Variants in RAD17 observed in about 807,000 individuals in gnomAD.
RAD17 encodes the protein RAD17 checkpoint clamp loader component, also known as cell cycle checkpoint protein RAD17.
In RAD17, 31 loss-of-function variants were observed where a neutral mutation model predicts 81.5. That is an observed-to-expected ratio of 0.38 (90% confidence interval 0.29 to 0.51). The LOEUF is 0.51. Ranked by LOEUF, RAD17 falls within the 20% of genes least tolerant of loss-of-function variation. RAD17 has a pLI of 0.88. For synonymous variants in RAD17, 261 were observed against 266.2 expected (o/e 0.98, Z 0.19); for missense variants, 681 against 781.2 (o/e 0.87, Z 1.53).
intron 11 of RAD17, 135 bp downstream of exon 11, chr5:69,386,600 T>C (rs1764229454): frequency 2.8e-6 from 3 of 1,088,152 alleles, no homozygotes; most frequent in Admixed American, 4.1e-5. Flanking sequence ...GGCATGTCAT[T>C]TTAGCAAATG....
At chr5:69,379,692 CA>C (rs1308657750) in intron 6 of RAD17, among the ~76,000 whole-genome samples, 1 of 151,616 alleles carries the variant, frequency 6.6e-6, no homozygotes, top group East Asian at 1.9e-4. Flanking sequence ...AATGAAGACA[CA>C]AACACACCAA....
intron 17 of RAD17, among the ~76,000 whole-genome samples, chr5:69,409,866 CT>C (rs776737927): frequency 6.6e-6 from 1 of 152,154 alleles, no homozygotes; most frequent in Non-Finnish European, 1.5e-5. Context: ...CACCATTCTA[CT>C]TTCTGTCTCT....
At chr5:69,396,591 T>G (rs1312583994) in intron 16 of RAD17, 45 bp downstream of exon 16, 1 of 1,450,570 alleles carries the variant, frequency 6.9e-7, no homozygotes, top group Non-Finnish European at 9.1e-7. Context: ...ATGTGAACTT[T>G]ATGGTACGTG....
chr5:69,396,679 A>G (rs1764915001), intron 16 of RAD17, 133 bp downstream of exon 16: 1 of 1,031,726 alleles, frequency 9.7e-7, no homozygotes, highest in South Asian at 2.8e-5. Context: ...AATAGTTGCT[A>G]AGGTCCACAA....
At chr5:69,411,465 G>C (rs1765995699) in intron 18 of RAD17, among the ~76,000 whole-genome samples, 2 of 152,284 alleles carry the variant, frequency 1.3e-5, no homozygotes, top group South Asian at 4.1e-4. Context: ...AAAAGTAAGT[G>C]ATAGAAATGG....
chr5:69,373,523 CA>C (rs1763134135), intron 4 of RAD17, among the ~76,000 whole-genome samples: 1 of 151,758 alleles, frequency 6.6e-6, no homozygotes, highest in Non-Finnish European at 1.5e-5. Context: ...GGCAACATGG[CA>C]AAAACCCATC....
In RAD17 at chr5:69,374,107, CAT is replaced by C; in HGVS notation, c.267+23_267+24del. 1 of 1,577,170 alleles carries C rather than the reference CAT, an allele frequency of 6.3e-7. No homozygotes were observed. Among genetic ancestry groups the C allele is most frequent in the Non-Finnish European group, 8.6e-7 (1 of 1,161,438 alleles). ...ACTCAGGTACTGAAAAGCATGCAGA[CAT>C]ATCTACATAATTTAATTTCAGGGTG... On this transcript the variant is annotated intron_variant, in intron 5 of 18. Transcript: ENST00000354868.
rs1386315202 is a variant in RAD17, at chr5:69,414,113, C to T, written c.1834C>T (p.His612Tyr). 3 of 1,614,220 alleles carry T rather than the reference C, an allele frequency of 1.9e-6. No individual in the cohort carries two copies. Among genetic ancestry groups the T allele is most frequent in the Non-Finnish European group, 2.5e-6 (3 of 1,180,042 alleles). ...AGATGAAGCCCAGCTTAATGGAGGA[C>T]ATTCTGCAGAGGAATCTCTGGGTGA... ...SGDEAQLNGGHSAEESLGEPT... is the reference protein window; with the variant it reads ...SGDEAQLNGGYSAEESLGEPT... The change falls in exon 19 of 19, where the codon CAT becomes TAT. Residue 612 changes from histidine to tyrosine, a missense_variant. His to Tyr is a moderately conservative substitution (Grantham distance 83). Coordinates refer to ENST00000354868, the MANE Select transcript of RAD17 (RefSeq NM_133338.3).
At chr5:69,407,616 GTCCAGGCTGGA>G (rs1367937590) in intron 17 of RAD17, among the ~76,000 whole-genome samples, 3 of 106,014 alleles carry the variant, frequency 2.8e-5, no homozygotes, top group African/African-American at 1.1e-4. Context: ...GCCCTCTGTT[GTCCAGGCTGGA>G]GTGCGGTAGC....
At position 69,371,550 on chromosome 5, in the gene RAD17, C is replaced by CT. The variant is rs370962285; in HGVS notation, c.-183_-182insT. On this transcript the variant is annotated 5_prime_UTR_variant, in exon 3 of 19. It introduces an in-frame stop codon into an upstream open reading frame of the 5' UTR. Transcript: ENST00000354868. ...ACTTTTCTTAGACCAAAGGTATCTT[C>CT]CACAAAGGTATGATACACTGGAATG... 38 of 1,453,874 alleles carry CT rather than the reference C, an allele frequency of 2.6e-5. No homozygotes were observed. In the African/African-American group the frequency reaches 5.3e-4, roughly 20 times the overall value. The allele number at this position is 1,453,874 out of a possible 1,614,324, so 90.1% of individuals were successfully genotyped here. A position where few individuals can be genotyped will look rare whatever the true frequency, so the allele number is the denominator to read the frequency against.
intron 1 of RAD17, 36 bp downstream of exon 1, chr5:69,369,969 T>C (rs1762828158): frequency 2.0e-6 from 1 of 511,032 alleles, no homozygotes; most frequent in Non-Finnish European, 3.4e-6. Context: ...ATTATGTATA[T>C]GTCTTAGAGA....
rs549295661 is a variant in RAD17, at chr5:69,403,745, C to A, written c.1693+3576C>A. On this transcript the variant is annotated intron_variant, in intron 17 of 18. Transcript: ENST00000354868. ...GACCAGCCTAGGCAACACGGTGATA[C>A]CTTGTCTCTACAAAAAAATTTAAAA... is the stretch of plus-strand genomic sequence containing the variant. 1.2e-3 allele frequency among the ~76,000 whole-genome samples: 179 copies of A among 152,178 alleles called. 1 individual carries two copies. The highest frequency in any genetic ancestry group is 4.0e-3 in the African/African-American group (166 of 41,536).
chr5:69,394,713 G>A (rs1242325440), intron 15 of RAD17, among the ~76,000 whole-genome samples: 1 of 152,138 alleles, frequency 6.6e-6, no homozygotes, highest in African/African-American at 2.4e-5. Flanking sequence ...ATCATTGCAG[G>A]GCGTTCTGTT....
chr5:69,378,141 C>T (rs899488837), intron 6 of RAD17, among the ~76,000 whole-genome samples: 7 of 152,014 alleles, frequency 4.6e-5, no homozygotes, highest in Non-Finnish European at 1.0e-4. Context: ...TCAGGGATGT[C>T]AGTAATTAGA....
chr5:69,397,654 T>G (rs1764981237), intron 16 of RAD17, among the ~76,000 whole-genome samples: 2 of 152,170 alleles, frequency 1.3e-5, no homozygotes, highest in Admixed American at 1.3e-4. Flanking sequence ...CTGAGAATGC[T>G]GATTGGAAAA....
intron 16 of RAD17, among the ~76,000 whole-genome samples, chr5:69,398,868 T>TA (rs72281552): frequency 0.15 from 16,059 of 109,808 alleles, 2,461 homozygotes; most frequent in African/African-American, 0.38. Context: ...ATCTCCTGGT[T>TA]AAAAAAAAAA....
chr5:69,377,472 T>TATATATATATATACAC, intron 6 of RAD17, among the ~76,000 whole-genome samples: 2 of 6,454 alleles, frequency 3.1e-4, no homozygotes, highest in South Asian at 0.011. Flanking sequence ...TATATATATA[T>TATATATATATATACAC]ATACACACAC....
chr5:69,405,636 C>A lies in RAD17; in HGVS notation c.1694-4857C>A, dbSNP rs556784463. Among the ~76,000 whole-genome samples the A allele has an allele frequency of 2.6e-5, 4 of 151,930 alleles. No individual in the cohort carries two copies. In the East Asian group the frequency reaches 7.8e-4, roughly 29 times the overall value. ...GAGCCACGATCACGCCATTGCACCC[C>A]AGCCTGGCAACAAGAGCAAAACTCT... is the stretch of plus-strand genomic sequence containing the variant. On this transcript the variant is annotated intron_variant, in intron 17 of 18. Transcript: ENST00000354868.
In RAD17 at chr5:69,371,036, A is replaced by G; in HGVS notation, c.-415A>G. 1 of 339,086 alleles carries G rather than the reference A, an allele frequency of 2.9e-6. No individual in the cohort carries two copies. Among genetic ancestry groups the G allele is most frequent in the Middle Eastern group, 4.0e-4 (1 of 2,474 alleles). The allele number at this position is 339,086 out of a possible 1,614,324, so 21.0% of individuals were successfully genotyped here. A position where few individuals can be genotyped will look rare whatever the true frequency, so the allele number is the denominator to read the frequency against. The stretch of plus-strand genomic sequence containing the variant: ...AAGACTTAAATTCTTCGTCCACAGC[A>G]AGTGAATTCATGGTATTTTACTTTT... On this transcript the variant is annotated splice_region_variant and 5_prime_UTR_variant, in exon 2 of 19. Transcript: ENST00000354868.
Sources: allele counts gnomAD v4.1 joint callset (sites outside exome capture counted in the v4.1 genomes callset), GRCh38; gene constraint gnomAD v4.1.1; transcripts MANE v1.5; gene names NCBI Gene and HGNC (gene_info 2026-07-23, HGNC 2026-07-21).